GAS7: variants seen among roughly 807,000 people sequenced by gnomAD.
The protein encoded by GAS7 is growth arrest specific 7.
In GAS7, 28 loss-of-function variants were observed where a neutral mutation model predicts 71.1. That is an observed-to-expected ratio of 0.39 (90% CI 0.29 to 0.54). The LOEUF (loss-of-function observed/expected upper bound fraction) is 0.54. Ranked by LOEUF, GAS7 falls within the 20% of genes least tolerant of loss-of-function variation. The pLI, the probability that GAS7 is intolerant of heterozygous loss-of-function variation, is 0.62. For synonymous variants in GAS7, 258 were observed against 245.8 expected (o/e 1.05, Z -0.46); for missense variants, 436 against 627.8 (o/e 0.69, Z 3.27).
At chr17:9,939,849 C>T (rs2068535919) in intron 8 of GAS7, among the ~76,000 whole-genome samples, 1 of 152,132 alleles carries the variant, frequency 6.6e-6, no homozygotes. Context: ...ACCTTGTGAT[C>T]CACCCGCCTC....
intron 1 of GAS7, among the ~76,000 whole-genome samples, chr17:10,134,131 T>C (rs933968053): frequency 6.6e-6 from 1 of 152,000 alleles, no homozygotes; most frequent in African/African-American, 2.4e-5. Context: ...CCCGGGTTCA[T>C]GCCATTCTCC....
rs1409273945 is a variant in GAS7 at position 9,959,927 on chromosome 17, G to C, written c.472-672C>G. On this transcript the variant is annotated intron_variant, in intron 4 of 13. Coordinates refer to ENST00000432992, the MANE Select transcript of GAS7 (RefSeq NM_201433.2). The surrounding 1 kb of genome is among the most constrained non-coding windows in gnomAD (Gnocchi z 5.0). ...TCCTCAGCAGTTTGCCAAAGTCCTG[G>C]GATCGTTCTGGCAGAGAAAATTAAG... Among the ~76,000 whole-genome samples the C allele has an allele frequency of 6.6e-6, 1 of 152,124 alleles. No individual in the cohort carries two copies. Among genetic ancestry groups the C allele is most frequent in the Admixed American group, 6.5e-5 (1 of 15,276 alleles).
Position 10,074,020 on chromosome 17 carries a change from G to C in GAS7, c.184-54123C>G, listed in dbSNP as rs188467764. Among the ~76,000 whole-genome samples the C allele has an allele frequency of 5.2e-3, 785 of 152,278 alleles. 4 individuals are homozygous for C. The highest frequency in any genetic ancestry group is 0.017 in the African/African-American group (726 of 41,548). ...TGTCAGGCGCTGAGAATATGCAGAT[G>C]AATGACCCCAGCCCTGTCCCAGGCA... On this transcript the variant is annotated intron_variant, in intron 1 of 13. Coordinates refer to ENST00000432992, the MANE Select transcript of GAS7 (RefSeq NM_201433.2).
At chr17:9,971,859 G>A (rs1025344160) in intron 3 of GAS7, among the ~76,000 whole-genome samples, 5 of 152,156 alleles carry the variant, frequency 3.3e-5, no homozygotes, top group Admixed American at 1.3e-4. Context: ...CATTTGGAGC[G>A]ACGAGGACTG....
intron 1 of GAS7, chr17:10,039,844 G>A (rs750388060): frequency 4.7e-6 from 2 of 427,604 alleles, no homozygotes; most frequent in Non-Finnish European, 9.3e-6. Context: ...CACCCTCTGG[G>A]GCTCCCAGAG....
intron 1 of GAS7, among the ~76,000 whole-genome samples, chr17:10,188,180 C>G (rs965315322): frequency 6.6e-6 from 1 of 151,864 alleles, no homozygotes; most frequent in African/African-American, 2.4e-5. Context: ...GAGACAGAGG[C>G]TGCAGTGAGC....
chr17:10,046,307 C>T (rs2072954383), intron 1 of GAS7, among the ~76,000 whole-genome samples: 1 of 151,566 alleles, frequency 6.6e-6, no homozygotes, highest in South Asian at 2.1e-4. Flanking sequence ...AGGACACTGC[C>T]TATCAAACCA....
At chr17:10,082,114 A>T (rs1363656927) in intron 1 of GAS7, among the ~76,000 whole-genome samples, 4 of 152,242 alleles carry the variant, frequency 2.6e-5, no homozygotes, top group African/African-American at 9.6e-5. Context: ...GTGTGAAAAA[A>T]GTAAATTACC....
At position 10,006,300 on chromosome 17, in the gene GAS7, G is replaced by C. The variant is rs144341143; in HGVS notation, c.304+13477C>G. Among the ~76,000 whole-genome samples the C allele has an allele frequency of 4.0e-4, 55 of 138,342 alleles. No individual in the cohort carries two copies. In the East Asian group the frequency reaches 0.012, roughly 31 times the overall value. The allele number at this position is 138,342 out of a possible 152,430, so 90.8% of individuals were successfully genotyped here. On this transcript the variant is annotated intron_variant, in intron 2 of 13. Transcript: ENST00000432992. ...TAAGCAGAATGTACAAATGAAAACA[G>C]TACAAGCCCCAGATTCTTTTTTTTT... is the stretch of plus-strand genomic sequence containing the variant.
At chr17:10,075,327 C>T (rs1799606030) in intron 1 of GAS7, among the ~76,000 whole-genome samples, 2 of 151,466 alleles carry the variant, frequency 1.3e-5, no homozygotes, top group Admixed American at 1.3e-4. Flanking sequence ...TGTACTCCAG[C>T]CTGGGTGACA....
At chr17:9,933,696 T>C (rs1011999595) in intron 9 of GAS7, among the ~76,000 whole-genome samples, 2 of 151,844 alleles carry the variant, frequency 1.3e-5, no homozygotes, top group Admixed American at 6.6e-5. Context: ...AATAAAAAAA[T>C]TACCCAGGCA....
At chr17:10,056,707 T>C (rs922728782) in intron 1 of GAS7, among the ~76,000 whole-genome samples, 2 of 151,918 alleles carry the variant, frequency 1.3e-5, no homozygotes, top group Admixed American at 1.3e-4. Flanking sequence ...CCGTCTCTAC[T>C]AAAAATACAA....
intron 1 of GAS7, among the ~76,000 whole-genome samples, chr17:10,178,842 T>C (rs4128644): frequency 0.12 from 18,330 of 151,206 alleles, 1,249 homozygotes; most frequent in Admixed American, 0.21. Flanking sequence ...GCGGAGGGCT[T>C]TTCTTTGTTC....
At chr17:10,173,394 T>G (rs2074349631) in intron 1 of GAS7, among the ~76,000 whole-genome samples, 1 of 151,670 alleles carries the variant, frequency 6.6e-6, no homozygotes, top group South Asian at 2.1e-4. Flanking sequence ...AGAAAAAAAA[T>G]GAAGAGAAGG....
intron 1 of GAS7, among the ~76,000 whole-genome samples, chr17:10,027,252 A>G (rs1360573292): frequency 6.7e-6 from 1 of 149,300 alleles, no homozygotes; most frequent in Non-Finnish European, 1.5e-5. Context: ...GAATGAATGA[A>G]TGAATGAGTG....
At chr17:9,967,003 A>T (rs1435489652) in intron 4 of GAS7, among the ~76,000 whole-genome samples, 1 of 152,108 alleles carries the variant, frequency 6.6e-6, no homozygotes, top group Non-Finnish European at 1.5e-5. Flanking sequence ...CCCTCTCCAT[A>T]TACTACATGA....
chr17:10,067,523 C>T (rs1157081379), intron 1 of GAS7, among the ~76,000 whole-genome samples: 14 of 151,842 alleles, frequency 9.2e-5, no homozygotes, highest in African/African-American at 2.7e-4. Context: ...TACAAGTGCC[C>T]GCCACCACAC....
intron 1 of GAS7, among the ~76,000 whole-genome samples, chr17:10,136,862 TA>T (rs2074042676): frequency 6.6e-6 from 1 of 152,138 alleles, no homozygotes; most frequent in Non-Finnish European, 1.5e-5. Context: ...CTCACGCCTG[TA>T]AAAATCCCAG....
rs574377070 is a variant in GAS7, at chr17:9,914,386, C to T, written c.*2842G>A. On this transcript the variant is annotated 3_prime_UTR_variant, in exon 14 of 14. Coordinates refer to ENST00000432992, the MANE Select transcript of GAS7 (RefSeq NM_201433.2). ...GGACTACAGGTGTGCACCACCACAT[C>T]TGGCTAATTTTTTGTATTTTTAGCA... 371 of 181,620 alleles carry T rather than the reference C, an allele frequency of 2.0e-3. 1 individual carries two copies. The highest frequency in any genetic ancestry group is 8.2e-3 in the African/African-American group (350 of 42,572). 11.3% of individuals were successfully genotyped at this position (181,620 alleles called of 1,614,324 possible). A position where few individuals can be genotyped will look rare whatever the true frequency, so the allele number is the denominator to read the frequency against.
Sources: allele counts gnomAD v4.1 joint callset (sites outside exome capture counted in the v4.1 genomes callset), GRCh38; gene constraint gnomAD v4.1.1; non-coding constraint Gnocchi (gnomAD v3.1); transcripts MANE v1.5; gene names NCBI Gene and HGNC (gene_info 2026-07-23, HGNC 2026-07-21).